Variants in IFIT1 observed in about 807,000 individuals in gnomAD.
The protein encoded by IFIT1 is antiviral innate immune response effector IFIT1.
In IFIT1, 1 loss-of-function variant was observed where a neutral mutation model predicts 2.5. That is an observed-to-expected ratio of 0.40 (90% CI 0.14 to 1.92). The LOEUF (loss-of-function observed/expected upper bound fraction) is 1.92. IFIT1 is among the 40% of genes most tolerant of loss of function. The pLI is 0.31. For missense variants in IFIT1, 508 were observed against 557.8 expected, an observed-to-expected ratio of 0.91 and a Z score of 0.90; for synonymous variants, 191 against 201.7, an observed-to-expected ratio of 0.95 and a Z score of 0.45.
At position 89,405,564 on chromosome 10, in the gene IFIT1, A is replaced by C. The variant is rs746345786; in HGVS notation, c.*1852A>C. 1 of 152,144 alleles carries C rather than the reference A, an allele frequency of 6.6e-6. No homozygotes were observed. The highest frequency in any genetic ancestry group is 2.1e-4 in the South Asian group (1 of 4,818). The allele number at this position is 152,144 out of a possible 1,614,324, so 9.4% of individuals were successfully genotyped here. A position where few individuals can be genotyped will look rare whatever the true frequency, so the allele number is the denominator to read the frequency against. On this transcript the variant is annotated 3_prime_UTR_variant, in exon 2 of 2. Transcript: ENST00000371804. ...AGTCTGAAATGGGTTTCAATGAGCC[A>C]AAGTCAAGGTATTGATGACGCTACA...
chr10:89,400,921 T>C (rs2133626553), intron 1 of IFIT1, among the ~76,000 whole-genome samples: 1 of 152,136 alleles, frequency 6.6e-6, no homozygotes, highest in South Asian at 2.1e-4. Flanking sequence ...TTAATTGTGC[T>C]GAGATAGTTC....
intron 1 of IFIT1, among the ~76,000 whole-genome samples, chr10:89,397,681 A>ATT (rs113650131): frequency 0.18 from 27,043 of 151,580 alleles, 2,964 homozygotes; most frequent in East Asian, 0.45. Flanking sequence ...GATCCAGAGC[A>ATT]TTTTTTTTCA....
intron 1 of IFIT1, among the ~76,000 whole-genome samples, chr10:89,400,684 A>G (rs1016794898): frequency 6.6e-6 from 1 of 152,232 alleles, no homozygotes. Flanking sequence ...AATTTTCTAC[A>G]TATAAAATTA....
chr10:89,393,353 A>C (rs1413444419), intron 1 of IFIT1: 1 of 1,202,830 alleles, frequency 8.3e-7, no homozygotes, highest in African/African-American at 1.6e-5. Flanking sequence ...TACGTCCTTG[A>C]CTGAAGATGA....
rs1019207597 is a variant in IFIT1 at position 89,403,334 on chromosome 10, A to C, written c.1059A>C (p.Ala353=). ...ACCTGGCAAGAATGTATATAGAAGC[A>C]GGCAATCACAGAAAAGCTGAAGAGA... The part of the protein sequence containing the change: ...HLDLARMYIE[A]GNHRKAEENF... The change falls in exon 2 of 2, where the codon GCA becomes GCC. Residue 353 remains alanine, a synonymous_variant. Coordinates refer to ENST00000371804, the MANE Select transcript of IFIT1 (RefSeq NM_001548.5). 1 of 1,613,078 alleles carries C rather than the reference A, an allele frequency of 6.2e-7. No individual in the cohort carries two copies. The highest frequency in any genetic ancestry group is 1.3e-5 in the African/African-American group (1 of 74,960).
chr10:89,399,256 T>C (rs536682274), intron 1 of IFIT1, among the ~76,000 whole-genome samples: 5 of 152,328 alleles, frequency 3.3e-5, no homozygotes, highest in African/African-American at 1.2e-4. Flanking sequence ...AGGTTCTTTA[T>C]CTATTCTGTA....
At chr10:89,398,246 T>C (rs1844373625) in intron 1 of IFIT1, among the ~76,000 whole-genome samples, 1 of 152,146 alleles carries the variant, frequency 6.6e-6, no homozygotes, top group South Asian at 2.1e-4. Flanking sequence ...CAAGGGAGTG[T>C]GGGGGAATGT....
intron 1 of IFIT1, among the ~76,000 whole-genome samples, chr10:89,397,729 A>G (rs1753686019): frequency 1.3e-5 from 2 of 152,078 alleles, no homozygotes; most frequent in Admixed American, 1.3e-4. Context: ...TCTACAAATT[A>G]TCTATTCACA....
At position 89,402,277 on chromosome 10, in the gene IFIT1, A is replaced by G. The variant is rs749123105; in HGVS notation, c.6-4A>G. On this transcript the variant is annotated splice_region_variant and splice_polypyrimidine_tract_variant and intron_variant, in intron 1 of 1. Transcript: ENST00000371804. ...ACAAAGAAAATCTGTTTTTGTTTTT[A>G]CAGTACAAATGGTGATGATCATCAG... is the stretch of plus-strand genomic sequence containing the variant. The G allele has an allele frequency of 2.5e-6, 4 of 1,569,236 alleles. No individual in the cohort carries two copies. Among genetic ancestry groups the G allele is most frequent in the Non-Finnish European group, 2.6e-6 (3 of 1,156,836 alleles).
intron 1 of IFIT1, among the ~76,000 whole-genome samples, chr10:89,399,237 G>A (rs1264972809): frequency 6.6e-6 from 1 of 152,082 alleles, no homozygotes; most frequent in African/African-American, 2.4e-5. Flanking sequence ...TTTTGTTGCT[G>A]AGTTGTAGAG....
At chr10:89,393,751 A>C (rs368849046) in intron 1 of IFIT1, among the ~76,000 whole-genome samples, 3 of 152,234 alleles carry the variant, frequency 2.0e-5, no homozygotes, top group African/African-American at 2.4e-5. Context: ...AACAAACAAA[A>C]AATCCATTAC....
In IFIT1 at chr10:89,403,094, A is replaced by C. The variant is rs573056328; in HGVS notation, c.819A>C (p.Leu273Phe). 25 of 1,614,232 alleles carry C rather than the reference A, an allele frequency of 1.5e-5. No individual in the cohort carries two copies. The South Asian group carries it at 2.5e-4, about 16-fold the overall frequency. ...GCTCTGTGGATAAAGCTCTTGAGTT[A>C]TTAAAAAAGGCCTTGCAGGAAACAC... Reference protein sequence around the residue: ...RKGSVDKALELLKKALQETPT... With the variant: ...RKGSVDKALEFLKKALQETPT... The change falls in exon 2 of 2, where the codon TTA (leucine) becomes TTC (phenylalanine). Residue 273 changes from leucine to phenylalanine, a missense_variant. Physicochemically the swap from Leu to Phe is conservative, Grantham distance 22. Transcript: ENST00000371804.
At chr10:89,392,953 A>G (rs1356701190) in intron 1 of IFIT1, among the ~76,000 whole-genome samples, 5 of 152,308 alleles carry the variant, frequency 3.3e-5, no homozygotes, top group African/African-American at 7.2e-5. Context: ...ACCTCATGCT[A>G]TAGCCCAAAG....
At chr10:89,397,311 G>T (rs1016474206) in intron 1 of IFIT1, among the ~76,000 whole-genome samples, 3 of 147,110 alleles carry the variant, frequency 2.0e-5, no homozygotes, top group African/African-American at 8.0e-5. Flanking sequence ...TGAAGGAAAT[G>T]TAATTTTAAT....
intron 1 of IFIT1, among the ~76,000 whole-genome samples, chr10:89,395,617 C>T (rs1201940767): frequency 2.6e-5 from 4 of 152,150 alleles, no homozygotes; most frequent in Non-Finnish European, 4.4e-5. Context: ...ACAAGGGCAT[C>T]TGCCTGATAT....
chr10:89,403,119 C>A lies in IFIT1; in HGVS notation c.844C>A (p.Pro282Thr). Residue 282 changes from proline (P) to threonine (T), a missense_variant, in exon 2 of 2, where the codon CCC (proline) becomes ACC (threonine). By Grantham distance (38) the Pro-to-Thr change is conservative. Transcript: ENST00000371804. ...ATTAAAAAAGGCCTTGCAGGAAACACCCACTTCTGTCTTACTGCATCACCA... is the reference window on the plus strand; with the variant it reads ...ATTAAAAAAGGCCTTGCAGGAAACAACCACTTCTGTCTTACTGCATCACCA... ...ELLKKALQET[P>T]TSVLLHHQIG... is the part of the protein sequence containing the mutation. 6.2e-7 allele frequency: 1 copy of A among 1,614,154 alleles called. No homozygotes were observed. The highest frequency in any genetic ancestry group is 8.5e-7 in the Non-Finnish European group (1 of 1,179,998).
At position 89,403,945 on chromosome 10, in the gene IFIT1, G is replaced by A. The variant is rs1180806374; in HGVS notation, c.*233G>A. 6 of 381,322 alleles carry A rather than the reference G, an allele frequency of 1.6e-5. No individual in the cohort carries two copies. The highest frequency in any genetic ancestry group is 2.3e-5 in the Non-Finnish European group (5 of 215,840). 23.6% of individuals were successfully genotyped at this position (381,322 alleles called of 1,614,324 possible). A position where few individuals can be genotyped will look rare whatever the true frequency, so the allele number is the denominator to read the frequency against. ...GAGTGCTATGTAGTAGAGAAAAAAT[G>A]TTAGTTAACTTTGTAGGAAATAAAA... On this transcript the variant is annotated 3_prime_UTR_variant, in exon 2 of 2. Transcript: ENST00000371804.
chr10:89,405,190 G>T lies in IFIT1; in HGVS notation c.*1478G>T, dbSNP rs1414556640. The T allele has an allele frequency of 2.0e-5, 3 of 151,920 alleles. No homozygotes were observed. Among genetic ancestry groups the T allele is most frequent in the Non-Finnish European group, 4.4e-5 (3 of 67,970 alleles). The allele number at this position is 151,920 out of a possible 1,614,324, so 9.4% of individuals were successfully genotyped here. On this transcript the variant is annotated 3_prime_UTR_variant, in exon 2 of 2. Coordinates refer to ENST00000371804, the MANE Select transcript of IFIT1 (RefSeq NM_001548.5). Reference sequence around the variant, plus strand: ...TTTAATTTTAATTCAATGTGAAAGGGTTCCAAGGAGTTTATCTTGTTTTAT... The same window carrying T: ...TTTAATTTTAATTCAATGTGAAAGGTTTCCAAGGAGTTTATCTTGTTTTAT...
intron 1 of IFIT1, among the ~76,000 whole-genome samples, chr10:89,398,941 GA>G (rs1378567933): frequency 2.0e-5 from 3 of 152,106 alleles, no homozygotes; most frequent in African/African-American, 7.2e-5. Flanking sequence ...TAATTTTTCT[GA>G]GGAATTACCA....
Sources: allele counts gnomAD v4.1 joint callset (sites outside exome capture counted in the v4.1 genomes callset), GRCh38; gene constraint gnomAD v4.1.1; transcripts MANE v1.5; gene names NCBI Gene and HGNC (gene_info 2026-07-23, HGNC 2026-07-21).